AKAP14: variants seen among roughly 807,000 people sequenced by gnomAD.
The protein encoded by AKAP14 is A-kinase anchor protein 14.
AKAP14 carries 4 observed loss-of-function variants against 17.0 expected under a neutral mutation model. The observed-to-expected ratio is 0.23, with a 90% confidence interval of 0.12 to 0.54. AKAP14 has a LOEUF of 0.54. AKAP14 is among the 20% of genes least tolerant of loss of function. AKAP14 has a pLI of 0.95. For missense variants in AKAP14, 129 were observed against 150.9 expected (o/e 0.85, Z 0.76); for synonymous variants, 42 against 51.3 (o/e 0.82, Z 0.77).
At chrX:119,915,300 G>A (rs543958888) in intron 5 of AKAP14, among the ~76,000 whole-genome samples, 2 of 111,156 alleles carry the variant, frequency 1.8e-5, no homozygotes, top group South Asian at 3.8e-4. Flanking sequence ...GCACAGACCC[G>A]TCCCACGTGG....
chrX:119,914,445 C>G (rs759816567), intron 4 of AKAP14, among the ~76,000 whole-genome samples: 4 of 110,190 alleles, frequency 3.6e-5, no homozygotes, highest in African/African-American at 1.3e-4. Context: ...CTCAGCCTCC[C>G]CAGTAGCTGG....
chrX:119,912,738 G>A (rs2056634536), intron 4 of AKAP14, among the ~76,000 whole-genome samples: 1 of 111,094 alleles, frequency 9.0e-6, no homozygotes, highest in Non-Finnish European at 1.9e-5. Context: ...TGTACAGTTG[G>A]CTCTCCATAT....
At chrX:119,913,156 T>A (rs1428222536) in intron 4 of AKAP14, among the ~76,000 whole-genome samples, 6 of 104,679 alleles carry the variant, frequency 5.7e-5, no homozygotes, top group African/African-American at 1.7e-4. Context: ...ATAAATAAAA[T>A]AAAATAAAAT....
At chrX:119,900,240 G>A (rs892238280) in intron 2 of AKAP14, among the ~76,000 whole-genome samples, 1 of 111,663 alleles carries the variant, frequency 9.0e-6, no homozygotes, top group East Asian at 2.8e-4. Context: ...TTACAGGCAC[G>A]TGCCACCACA....
At chrX:119,917,055 G>A (rs1202556700) in intron 5 of AKAP14, among the ~76,000 whole-genome samples, 1 of 102,464 alleles carries the variant, frequency 9.8e-6, no homozygotes, top group Non-Finnish European at 2.0e-5. Flanking sequence ...ACAGTGAGCC[G>A]AGATTGCGCC....
At chrX:119,910,028 G>A (rs1002415900) in intron 4 of AKAP14, among the ~76,000 whole-genome samples, 6 of 110,913 alleles carry the variant, frequency 5.4e-5, no homozygotes, top group Non-Finnish European at 9.5e-5. Flanking sequence ...GTGTGGTGGT[G>A]CATGCCTGTA....
At chrX:119,909,937 CACTTGAGCCTAGGAGTTTGAG>C (rs2056619166) in intron 4 of AKAP14, among the ~76,000 whole-genome samples, 1 of 108,780 alleles carries the variant, frequency 9.2e-6, no homozygotes, top group East Asian at 2.9e-4. Flanking sequence ...GCCAGTGGAT[CACTTGAGCCTAGGAGTTTGAG>C]ACCAGCCTGG....
chrX:119,900,564 G>A (rs189898711), intron 2 of AKAP14, among the ~76,000 whole-genome samples: 8 of 111,409 alleles, frequency 7.2e-5, no homozygotes, highest in African/African-American at 2.6e-4. Flanking sequence ...ACAGGGTCTC[G>A]CTCTGTCACC....
In AKAP14 at chrX:119,913,141, A is replaced by AATAC. The variant is rs1049114254; in HGVS notation, c.262-1555_262-1554insCATA. 5.6e-5 allele frequency among the ~76,000 whole-genome samples: 6 copies of AATAC among 107,052 alleles called. No individual in the cohort carries two copies. In the South Asian group the frequency reaches 2.4e-3, roughly 42 times the overall value. The allele number at this position is 107,052 out of a possible 115,157, so 93.0% of individuals were successfully genotyped here. ...GGTCTCTAAAATAAATAAATAAATA[A>AATAC]ATAAATAAATAAAATAAAATAAAAT... On this transcript the variant is annotated intron_variant, in intron 4 of 6. Coordinates refer to ENST00000371431, the MANE Select transcript of AKAP14 (RefSeq NM_178813.6).
intron 4 of AKAP14, among the ~76,000 whole-genome samples, chrX:119,908,150 G>A (rs995724953): frequency 3.6e-5 from 4 of 110,446 alleles, no homozygotes; most frequent in African/African-American, 1.3e-4. Context: ...AACTGGGTGT[G>A]GTAGTGTGTG....
chrX:119,907,924 T>G (rs772637240), intron 4 of AKAP14, among the ~76,000 whole-genome samples: 2 of 112,651 alleles, frequency 1.8e-5, no homozygotes, highest in South Asian at 7.2e-4. Flanking sequence ...TATTATCATT[T>G]AAAAATACAA....
At chrX:119,902,064 CTT>C (rs566464151) in intron 2 of AKAP14, among the ~76,000 whole-genome samples, 18 of 96,337 alleles carry the variant, frequency 1.9e-4, no homozygotes, top group Admixed American at 2.3e-4. Flanking sequence ...TGTCTTTATA[CTT>C]TTTTTTTTTT....
intron 4 of AKAP14, among the ~76,000 whole-genome samples, chrX:119,909,738 A>G (rs1251103970): frequency 1.9e-5 from 2 of 107,419 alleles, no homozygotes; most frequent in Non-Finnish European, 3.8e-5. Flanking sequence ...TACAAAAATT[A>G]GCTGGGCGTG....
At chrX:119,912,614 C>T (rs923848596) in intron 4 of AKAP14, among the ~76,000 whole-genome samples, 8 of 109,532 alleles carry the variant, frequency 7.3e-5, no homozygotes, top group Non-Finnish European at 1.1e-4. Flanking sequence ...TCACTGCAAC[C>T]TCCTGACTTC....
chrX:119,897,264 A>T (rs2056534731), intron 2 of AKAP14, among the ~76,000 whole-genome samples: 2 of 109,327 alleles, frequency 1.8e-5, no homozygotes, highest in East Asian at 5.8e-4. Context: ...GATTCATGCC[A>T]TTCTCCTGCC....
At chrX:119,916,792 C>T (rs1314313378) in intron 5 of AKAP14, among the ~76,000 whole-genome samples, 3 of 99,475 alleles carry the variant, frequency 3.0e-5, no homozygotes, top group African/African-American at 3.6e-5. Flanking sequence ...TGAGCCACCG[C>T]GCCTGGCCCA....
chrX:119,917,448 G>T (rs1481675213), intron 5 of AKAP14, among the ~76,000 whole-genome samples: 1 of 111,627 alleles, frequency 9.0e-6, no homozygotes, highest in Admixed American at 9.5e-5. Flanking sequence ...ACTACTAAAA[G>T]TACAAAATTA....
rs779523590 is a variant in AKAP14 at position 119,913,412 on chromosome X, CA to C, written c.262-1285del. ...TTCTAATCACTTTCTAATTATTTTC[CA>C]ATTAATTGAACCTGCCTCCTGTGAG... On this transcript the variant is annotated intron_variant, in intron 4 of 6. Coordinates refer to ENST00000371431, the MANE Select transcript of AKAP14 (RefSeq NM_178813.6). Among the ~76,000 whole-genome samples, 51 of 112,227 alleles carry C rather than the reference CA, an allele frequency of 4.5e-4. 3 individuals are homozygous for C. Among genetic ancestry groups the C allele is most frequent in the East Asian group, 3.6e-3 (13 of 3,568 alleles).
chrX:119,902,265 G>A (rs779320277), intron 2 of AKAP14, among the ~76,000 whole-genome samples: 5 of 109,743 alleles, frequency 4.6e-5, no homozygotes, highest in Admixed American at 9.8e-5. Flanking sequence ...TAGTAGAGAC[G>A]AGGTTTCACC....
Sources: allele counts gnomAD v4.1 joint callset (sites outside exome capture counted in the v4.1 genomes callset), GRCh38; gene constraint gnomAD v4.1.1; transcripts MANE v1.5; gene names NCBI Gene and HGNC (gene_info 2026-07-23, HGNC 2026-07-21).